The following GPHN variants were observed in gnomAD, a reference collection of about 807,000 sequenced individuals.
GPHN encodes gephyrin.
GPHN carries 17 observed loss-of-function variants against 95.5 expected under a neutral mutation model. The observed-to-expected ratio is 0.18, with a 90% confidence interval of 0.12 to 0.27. The LOEUF (loss-of-function observed/expected upper bound fraction) is 0.27. Among genes scored for constraint, GPHN ranks in the 10% least tolerant of loss-of-function variants. The pLI is 1.00. For synonymous variants in GPHN, 320 were observed against 322.5 expected (o/e 0.99, Z 0.08); for missense variants, 660 against 978.1 (o/e 0.67, Z 4.34).
chr14:66,528,989 C>T (rs1472539641), intron 1 of GPHN, among the ~76,000 whole-genome samples: 3 of 152,126 alleles, frequency 2.0e-5, no homozygotes. Flanking sequence ...CTCTGTATTT[C>T]CTGAATTTGA....
intron 1 of GPHN, among the ~76,000 whole-genome samples, chr14:66,548,042 AT>A (rs543141212): frequency 3.4e-5 from 5 of 147,656 alleles, no homozygotes; most frequent in Non-Finnish European, 4.5e-5. Context: ...TGTTGGTATC[AT>A]TTTTTTTTTA....
At chr14:67,674,446 T>C in the GPHN span, 4 of 1,609,360 alleles carry the variant, frequency 2.5e-6, no homozygotes, top group Non-Finnish European at 3.4e-6. Context: ...GAAGATCTCG[T>C]GCAGCTTCTC....
intron 9 of GPHN, among the ~76,000 whole-genome samples, chr14:66,972,470 T>C (rs1460362560): frequency 6.6e-6 from 1 of 151,934 alleles, no homozygotes; most frequent in South Asian, 2.1e-4. Flanking sequence ...TATTAAAAAC[T>C]AGCTATTCAG....
At chr14:67,343,336 C>G in the GPHN span, 10 of 1,534,286 alleles carry the variant, frequency 6.5e-6, no homozygotes, top group South Asian at 1.2e-4. Context: ...AGGGTATGGA[C>G]AAGTGACAAA....
the GPHN span, among the ~76,000 whole-genome samples, chr14:67,326,069 G>A: frequency 6.9e-6 from 1 of 144,282 alleles, no homozygotes; most frequent in East Asian, 2.0e-4. Flanking sequence ...TCGTGATCCA[G>A]CCTCCTCGGC....
chr14:67,094,708 C>T (rs1478250607), intron 12 of GPHN, among the ~76,000 whole-genome samples: 2 of 152,106 alleles, frequency 1.3e-5, no homozygotes, highest in Non-Finnish European at 2.9e-5. Context: ...AGCCATGCAC[C>T]ACATTAGCAT....
chr14:67,153,294 T>A (rs939959161), intron 18 of GPHN, among the ~76,000 whole-genome samples: 1 of 152,132 alleles, frequency 6.6e-6, no homozygotes, highest in Non-Finnish European at 1.5e-5. Flanking sequence ...TAACAAAAAA[T>A]ACCATAAAAT....
At chr14:67,616,548 A>AT in the GPHN span, 1 of 152,622 alleles carries the variant, frequency 6.6e-6, no homozygotes, top group Admixed American at 6.6e-5. Flanking sequence ...AATTATTATT[A>AT]TTATTGTTGT....
chr14:67,321,758 G>A, the GPHN span, among the ~76,000 whole-genome samples: 3 of 152,116 alleles, frequency 2.0e-5, no homozygotes, highest in Admixed American at 6.6e-5. Context: ...TGCTCAGAAA[G>A]TTTCAGATTT....
intron 8 of GPHN, among the ~76,000 whole-genome samples, chr14:66,928,752 G>T: frequency 6.6e-6 from 1 of 151,988 alleles, no homozygotes; most frequent in African/African-American, 2.4e-5. Flanking sequence ...TTATTAATTT[G>T]CTTCTTAATG....
the GPHN span, among the ~76,000 whole-genome samples, chr14:67,605,884 T>C: frequency 6.6e-6 from 1 of 151,992 alleles, no homozygotes; most frequent in Non-Finnish European, 1.5e-5. Context: ...GGTTTTACCA[T>C]GTTGCCCAGG....
chr14:67,359,600 G>A, the GPHN span: 1 of 1,599,052 alleles, frequency 6.3e-7, no homozygotes, highest in Admixed American at 1.7e-5. Flanking sequence ...GGGTCTGAAG[G>A]GACCGCGCTC....
chr14:66,814,448 C>G (rs2060885653), intron 3 of GPHN, among the ~76,000 whole-genome samples: 1 of 152,166 alleles, frequency 6.6e-6, no homozygotes, highest in Non-Finnish European at 1.5e-5. Context: ...ACCTCAGAAC[C>G]CCAGCACAAT....
At chr14:67,345,718 G>T in the GPHN span, 1 of 1,294,850 alleles carries the variant, frequency 7.7e-7, no homozygotes, top group South Asian at 1.2e-5. Flanking sequence ...TCCTCCACTT[G>T]ACTGTTACAA....
chr14:67,489,353 A>G, the GPHN span, among the ~76,000 whole-genome samples: 1 of 152,206 alleles, frequency 6.6e-6, no homozygotes, highest in Non-Finnish European at 1.5e-5. Flanking sequence ...TCCTTAAGGC[A>G]CATGTCTGCA....
chr14:67,677,139 G>T, the GPHN span: 1 of 152,084 alleles, frequency 6.6e-6, no homozygotes, highest in Admixed American at 6.5e-5. Flanking sequence ...CTCCAAACAA[G>T]TGATGGGAAC....
chr14:66,670,465 C>T (rs899518547), intron 1 of GPHN, among the ~76,000 whole-genome samples: 4 of 152,128 alleles, frequency 2.6e-5, no homozygotes, highest in Non-Finnish European at 2.9e-5. Flanking sequence ...TATAATGCCT[C>T]GTAATTTTAC....
At chr14:67,564,910 C>G in the GPHN span, among the ~76,000 whole-genome samples, 1 of 152,074 alleles carries the variant, frequency 6.6e-6, no homozygotes, top group Non-Finnish European at 1.5e-5. Flanking sequence ...TGGCTGGTCT[C>G]GAACTCCCAG....
chr14:66,590,346 C>T (rs976593479), intron 1 of GPHN, among the ~76,000 whole-genome samples: 21 of 151,784 alleles, frequency 1.4e-4, no homozygotes, highest in African/African-American at 5.1e-4. Flanking sequence ...ACAAAAATCC[C>T]TTCAAAAAAT....
Sources: gnomAD v4.1 joint callset for allele counts (sites outside exome capture counted in the v4.1 genomes callset) on GRCh38, gnomAD v4.1.1 for gene constraint, MANE v1.5 for transcripts, NCBI Gene and HGNC (gene_info 2026-07-23, HGNC 2026-07-21) for gene names.